The following FBXO25 variants were observed in gnomAD, a reference collection of about 807,000 sequenced individuals.
FBXO25 encodes F-box only protein 25.
Under a neutral mutation model 51.9 loss-of-function variants are expected in FBXO25, and 45 were observed. The ratio of observed to expected loss-of-function variants is 0.87; its 90% CI spans 0.68 to 1.11. The LOEUF is 1.11. Ranked by LOEUF, FBXO25 falls within the 50% of genes most tolerant of loss-of-function variation. The pLI, the probability that FBXO25 is intolerant of heterozygous loss-of-function variation, is 0.00. For missense variants in FBXO25, 507 were observed against 428.5 expected (o/e 1.18, Z -1.62); for synonymous variants, 199 against 151.0 (o/e 1.32, Z -2.33).
At chr8:443,468 G>C (rs1008641275) in intron 5 of FBXO25, among the ~76,000 whole-genome samples, 1 of 151,798 alleles carries the variant, frequency 6.6e-6, no homozygotes, top group African/African-American at 2.4e-5. Context: ...TAAAAAAGCA[G>C]ACGTTCTTTC....
rs751492355 is a variant in FBXO25 at position 474,975 on chromosome 8, G to C, written c.*6171G>C. ...ACTCTGTTTTGTTCTTTGATGTACA[G>C]AAGTTGTTTCTTTCTTTTAGTTACC... is the stretch of plus-strand genomic sequence containing the variant. On this transcript the variant is annotated 3_prime_UTR_variant, in exon 10 of 10. Coordinates refer to ENST00000350302, the MANE Select transcript of FBXO25 (RefSeq NM_183420.2). 17 of 402,494 alleles carry C rather than the reference G, an allele frequency of 4.2e-5. 1 individual carries two copies. The Middle Eastern group carries it at 3.9e-3, about 92-fold the overall frequency. The allele number at this position is 402,494 out of a possible 1,614,324, so 24.9% of individuals were successfully genotyped here.
rs975993668 is a variant in FBXO25, at chr8:472,048, T to A, written c.*3244T>A. On this transcript the variant is annotated 3_prime_UTR_variant, in exon 10 of 10. Transcript: ENST00000350302. ...ACAGTTTCACTTCTTCCTCTCAGTC[T>A]AGATGTCCTTTATTCTTTCTTACCC... The A allele has an allele frequency of 6.6e-6, 1 of 152,260 alleles. No individual in the cohort carries two copies. The highest frequency in any genetic ancestry group is 2.4e-5 in the African/African-American group (1 of 41,466). 9.4% of individuals were successfully genotyped at this position (152,260 alleles called of 1,614,324 possible).
chr8:463,532 C>G (rs1799953052), intron 9 of FBXO25, among the ~76,000 whole-genome samples: 1 of 152,214 alleles, frequency 6.6e-6, no homozygotes, highest in African/African-American at 2.4e-5. Flanking sequence ...TTTCCCCAGA[C>G]TTAGCCCTCG....
intron 2 of FBXO25, among the ~76,000 whole-genome samples, chr8:419,205 CAA>C (rs921192636): frequency 1.5e-5 from 2 of 131,910 alleles, no homozygotes; most frequent in Non-Finnish European, 1.6e-5. Flanking sequence ...ACTAAAAATA[CAA>C]AAAAAAAAAA....
chr8:455,846 C>T (rs1799391733), intron 7 of FBXO25, among the ~76,000 whole-genome samples: 1 of 152,200 alleles, frequency 6.6e-6, no homozygotes. Flanking sequence ...GACTTTTGTG[C>T]CTTGTCACAT....
intron 2 of FBXO25, among the ~76,000 whole-genome samples, chr8:425,129 C>T (rs1295839201): frequency 6.6e-6 from 1 of 151,930 alleles, no homozygotes; most frequent in African/African-American, 2.4e-5. Context: ...CAGAAGCGCC[C>T]CCCGCCCCCC....
intron 5 of FBXO25, among the ~76,000 whole-genome samples, chr8:443,418 C>G (rs1798545790): frequency 6.6e-6 from 1 of 151,504 alleles, no homozygotes; most frequent in Non-Finnish European, 1.5e-5. Flanking sequence ...ATGCTTTTAC[C>G]AAAATAAAAT....
intron 5 of FBXO25, among the ~76,000 whole-genome samples, chr8:436,931 C>G (rs1798139174): frequency 6.6e-6 from 1 of 152,182 alleles, no homozygotes; most frequent in Admixed American, 6.5e-5. Context: ...GGTTTCTGTG[C>G]TGGGTGCCCT....
intron 2 of FBXO25, among the ~76,000 whole-genome samples, chr8:424,649 C>T (rs1797361297): frequency 6.6e-6 from 1 of 152,104 alleles, no homozygotes; most frequent in South Asian, 2.1e-4. Flanking sequence ...TTTTGCTGGC[C>T]TTGTCAAAGA....
rs969520876 is a variant in FBXO25 at position 454,928 on chromosome 8, G to T, written c.661-3441G>T. The stretch of plus-strand genomic sequence containing the variant: ...AGAAAAAGAAAACAAAGAATGAGGG[G>T]AGAGTATCCAGGTGATGGCCTCCTG... On this transcript the variant is annotated intron_variant, in intron 7 of 9. Transcript: ENST00000350302. Among the ~76,000 whole-genome samples the T allele has an allele frequency of 1.3e-5, 2 of 149,026 alleles. 1 individual carries two copies. The highest frequency in any genetic ancestry group is 3.0e-5 in the Non-Finnish European group (2 of 67,418).
intron 8 of FBXO25, among the ~76,000 whole-genome samples, chr8:461,713 C>G (rs1464820121): frequency 2.0e-5 from 3 of 152,186 alleles, no homozygotes; most frequent in African/African-American, 7.2e-5. Flanking sequence ...CTTTCTGTCT[C>G]TGTGTTTCCC....
rs140242296 is a variant in FBXO25 at position 435,664 on chromosome 8, C to T, written c.338C>T (p.Ser113Leu). The change falls in exon 5 of 10, where the codon TCA becomes TTA. Residue 113 changes from serine to leucine, a missense_variant. Physicochemically the swap from Ser to Leu is moderately radical, Grantham distance 145. Transcript: ENST00000350302. Reference protein sequence around the residue: ...LGEAFNRLDFSSAIQDIRRFN... With the variant: ...LGEAFNRLDFLSAIQDIRRFN... ...GAAGCCTTTAATCGGTTAGACTTCT[C>T]AAGTGCAATTCAAGATATCCGAAGG... 3.3e-5 allele frequency: 53 copies of T among 1,602,748 alleles called. No individual in the cohort carries two copies. The African/African-American group carries it at 6.3e-4, about 19-fold the overall frequency.
At chr8:426,933 G>T (rs1196789156) in intron 2 of FBXO25, among the ~76,000 whole-genome samples, 1 of 151,616 alleles carries the variant, frequency 6.6e-6, no homozygotes, top group Non-Finnish European at 1.5e-5. Context: ...CTAAAAATAG[G>T]TTTCACATCT....
Position 471,053 on chromosome 8 carries a change from G to A in FBXO25, c.*2249G>A, listed in dbSNP as rs1161708120. ...TCAGCTGTGCTATCAAATCACAGAT[G>A]TGCATTTAACTTGTATAAATTGAGC... is the stretch of plus-strand genomic sequence containing the variant. On this transcript the variant is annotated 3_prime_UTR_variant, in exon 10 of 10. Transcript: ENST00000350302. 1.3e-5 allele frequency: 2 copies of A among 152,154 alleles called. No homozygotes were observed. The highest frequency in any genetic ancestry group is 2.9e-5 in the Non-Finnish European group (2 of 68,044). The allele number at this position is 152,154 out of a possible 1,614,324, so 9.4% of individuals were successfully genotyped here.
chr8:447,396 C>T lies in FBXO25; in HGVS notation c.382-2594C>T, dbSNP rs141982392. Among the ~76,000 whole-genome samples, 6 of 152,140 alleles carry T rather than the reference C, an allele frequency of 3.9e-5. No individual in the cohort carries two copies. The East Asian group carries it at 7.7e-4, about 20-fold the overall frequency. ...TGAAATGCCTGTTAGAGAAGGTGAC[C>T]GTCACCGCATGGATATTCTCTAAGG... On this transcript the variant is annotated intron_variant, in intron 5 of 9. Transcript: ENST00000350302.
chr8:414,142 A>T (rs1180481371), intron 2 of FBXO25, among the ~76,000 whole-genome samples: 2 of 152,218 alleles, frequency 1.3e-5, no homozygotes, highest in East Asian at 3.8e-4. Context: ...AGCAGAAATT[A>T]ATTTTCCATT....
At position 471,069 on chromosome 8, in the gene FBXO25, T is replaced by A. The variant is rs1320081814; in HGVS notation, c.*2265T>A. ...ATCACAGATGTGCATTTAACTTGTA[T>A]AAATTGAGCAGTACTTGCTTGGAAA... On this transcript the variant is annotated 3_prime_UTR_variant, in exon 10 of 10. Coordinates refer to ENST00000350302, the MANE Select transcript of FBXO25 (RefSeq NM_183420.2). The A allele has an allele frequency of 1.3e-5, 2 of 152,226 alleles. No individual in the cohort carries two copies. Among genetic ancestry groups the A allele is most frequent in the African/African-American group, 4.8e-5 (2 of 41,458 alleles). 9.4% of individuals were successfully genotyped at this position (152,226 alleles called of 1,614,324 possible).
chr8:471,489 C>T lies in FBXO25; in HGVS notation c.*2685C>T, dbSNP rs1208502290. On this transcript the variant is annotated 3_prime_UTR_variant, in exon 10 of 10. Transcript: ENST00000350302. The stretch of plus-strand genomic sequence containing the variant: ...GTGAGATTAAGTTACATTCTGATGC[C>T]TTCATTACAATGAAGTAGATAATTC... The T allele has an allele frequency of 6.6e-6, 1 of 152,142 alleles. No individual in the cohort carries two copies. The highest frequency in any genetic ancestry group is 1.5e-5 in the Non-Finnish European group (1 of 68,036). The allele number at this position is 152,142 out of a possible 1,614,324, so 9.4% of individuals were successfully genotyped here.
intron 2 of FBXO25, among the ~76,000 whole-genome samples, chr8:424,118 AT>A (rs36051355): frequency 0.011 from 1,350 of 120,568 alleles, 4 homozygotes; most frequent in African/African-American, 0.015. Flanking sequence ...TCCTTTGCCC[AT>A]TTTTTTTTTT....
Sources: allele counts gnomAD v4.1 joint callset (sites outside exome capture counted in the v4.1 genomes callset), GRCh38; gene constraint gnomAD v4.1.1; transcripts MANE v1.5; gene names NCBI Gene and HGNC (gene_info 2026-07-23, HGNC 2026-07-21).